The following ETV6 variants were observed in gnomAD, a reference collection of about 807,000 sequenced individuals.
ETV6 encodes ETS variant transcription factor 6.
A neutral mutation model predicts 51.1 loss-of-function variants in ETV6; 16 were observed. That is an observed-to-expected ratio of 0.31 (90% CI 0.21 to 0.48). The LOEUF is 0.48. Among genes scored for constraint, ETV6 ranks in the 20% least tolerant of loss-of-function variants. The pLI is 0.99. For synonymous variants in ETV6, 240 were observed against 224.1 expected, an observed-to-expected ratio of 1.07 and a Z score of -0.64; for missense variants, 458 against 594.8, an observed-to-expected ratio of 0.77 and a Z score of 2.39.
At chr12:11,886,210 T>C (rs974721319) in intron 7 of ETV6, among the ~76,000 whole-genome samples, 184 bp downstream of exon 7, 1 of 152,242 alleles carries the variant, frequency 6.6e-6, no homozygotes, top group Admixed American at 6.5e-5. Flanking sequence ...TTTTAACTTA[T>C]GTCTGTCCTG....
intron 1 of ETV6, among the ~76,000 whole-genome samples, chr12:11,686,460 C>T (rs1350079928): frequency 6.6e-6 from 1 of 152,192 alleles, no homozygotes. Flanking sequence ...ATTTTGCACA[C>T]CTTGATTGTC....
chr12:11,806,399 G>A (rs1312991232), intron 2 of ETV6, among the ~76,000 whole-genome samples: 1 of 152,218 alleles, frequency 6.6e-6, no homozygotes, highest in East Asian at 1.9e-4. Context: ...GCATTTGATA[G>A]TGTTCTAGCT....
intron 1 of ETV6, among the ~76,000 whole-genome samples, chr12:11,698,197 C>A (rs1404721279): frequency 6.6e-6 from 1 of 152,212 alleles, no homozygotes; most frequent in South Asian, 2.1e-4. Context: ...GGTATTAAAT[C>A]ATAGAAATAC....
chr12:11,823,390 G>A (rs181809775), intron 2 of ETV6, among the ~76,000 whole-genome samples: 8 of 152,008 alleles, frequency 5.3e-5, no homozygotes, highest in East Asian at 1.9e-4. Context: ...CTTGACTTTC[G>A]GTGATAGGAG....
At chr12:11,883,276 C>CCTTTTTTTT (rs1947129956) in intron 5 of ETV6, among the ~76,000 whole-genome samples, 2 of 79,116 alleles carry the variant, frequency 2.5e-5, no homozygotes, top group African/African-American at 1.5e-4. Flanking sequence ...ATGTCTTCTT[C>CCTTTTTTTT]TTTTTTTTTT....
chr12:11,687,447 G>A (rs558975187), intron 1 of ETV6, among the ~76,000 whole-genome samples: 1 of 152,090 alleles, frequency 6.6e-6, no homozygotes, highest in African/African-American at 2.4e-5. Flanking sequence ...CTCCCAAAGT[G>A]CCGACATTAC....
At chr12:11,712,709 T>C (rs1378034435) in intron 1 of ETV6, among the ~76,000 whole-genome samples, 1 of 152,126 alleles carries the variant, frequency 6.6e-6, no homozygotes, top group East Asian at 1.9e-4. Context: ...CCACCCATAT[T>C]ATGGAGGGCA....
At chr12:11,679,506 G>A (rs894747519) in intron 1 of ETV6, among the ~76,000 whole-genome samples, 2 of 152,214 alleles carry the variant, frequency 1.3e-5, no homozygotes, top group African/African-American at 4.8e-5. Context: ...CATAGGTTCT[G>A]CACACTGGTG....
chr12:11,763,451 T>C (rs1461164044), intron 2 of ETV6, among the ~76,000 whole-genome samples: 1 of 152,184 alleles, frequency 6.6e-6, no homozygotes, highest in Non-Finnish European at 1.5e-5. Context: ...ATGAAACTAC[T>C]GGAATGCCCT....
Position 11,684,714 on chromosome 12 carries a change from A to G in ETV6, c.33+34554A>G, listed in dbSNP as rs191789482. ...CAGACTTAAAAACCAAGCAAGCAAA[A>G]TGTCATTATTACACCTAATAAAGCT... On this transcript the variant is annotated intron_variant, in intron 1 of 7. Transcript: ENST00000396373. Among the ~76,000 whole-genome samples the G allele has an allele frequency of 2.1e-3, 317 of 152,300 alleles. 3 individuals carry two copies. The highest frequency in any genetic ancestry group is 7.3e-3 in the African/African-American group (305 of 41,562).
chr12:11,679,833 C>T (rs1864493359), intron 1 of ETV6, among the ~76,000 whole-genome samples: 1 of 152,154 alleles, frequency 6.6e-6, no homozygotes, highest in Admixed American at 6.5e-5. Context: ...GAGAGTTACC[C>T]CATTTCTGTA....
intron 3 of ETV6, chr12:11,840,752 A>C: frequency 3.2e-6 from 1 of 316,900 alleles, no homozygotes; most frequent in South Asian, 2.6e-5. Flanking sequence ...AAATTGAGTA[A>C]TTTGGAAGGG....
chr12:11,772,185 C>T (rs1207563198), intron 2 of ETV6, among the ~76,000 whole-genome samples: 1 of 152,198 alleles, frequency 6.6e-6, no homozygotes, highest in East Asian at 1.9e-4. Flanking sequence ...GCATAACAAC[C>T]AACATCTGGA....
intron 1 of ETV6, among the ~76,000 whole-genome samples, chr12:11,656,994 T>C (rs1451380503): frequency 6.6e-6 from 1 of 152,184 alleles, no homozygotes; most frequent in East Asian, 1.9e-4. Context: ...TTTTGACTCC[T>C]GTCTCGATGG....
chr12:11,817,669 C>A (rs1276416397), intron 2 of ETV6, among the ~76,000 whole-genome samples: 3 of 152,018 alleles, frequency 2.0e-5, no homozygotes, highest in African/African-American at 7.2e-5. Context: ...CTTTTTTTCC[C>A]TGGCCACACA....
At chr12:11,690,661 G>A (rs1864737707) in intron 1 of ETV6, among the ~76,000 whole-genome samples, 1 of 152,052 alleles carries the variant, frequency 6.6e-6, no homozygotes, top group Middle Eastern at 3.2e-3. Flanking sequence ...GGCTGAGGCA[G>A]GCAGACCACT....
chr12:11,711,213 T>C (rs1865165993), intron 1 of ETV6, among the ~76,000 whole-genome samples: 1 of 152,240 alleles, frequency 6.6e-6, no homozygotes. Flanking sequence ...TTTCTCGTTT[T>C]CTTTTCCCAG....
intron 2 of ETV6, among the ~76,000 whole-genome samples, chr12:11,791,498 C>A (rs1325663299): frequency 6.6e-6 from 1 of 152,184 alleles, no homozygotes; most frequent in Non-Finnish European, 1.5e-5. Flanking sequence ...TAGACCAGTA[C>A]AACTTGAGTC....
At chr12:11,864,581 G>A (rs1946765870) in intron 4 of ETV6, among the ~76,000 whole-genome samples, 1 of 152,104 alleles carries the variant, frequency 6.6e-6, no homozygotes, top group African/African-American at 2.4e-5. Context: ...ATTTCTATGG[G>A]CAGCAGAATT....
Sources: gnomAD v4.1 joint callset for allele counts (sites outside exome capture counted in the v4.1 genomes callset) on GRCh38, gnomAD v4.1.1 for gene constraint, MANE v1.5 for transcripts, NCBI Gene and HGNC (gene_info 2026-07-23, HGNC 2026-07-21) for gene names.